The following CLPTM1L variants were observed in gnomAD, a reference collection of about 807,000 sequenced individuals.
The protein encoded by CLPTM1L is lipid scramblase CLPTM1L.
Under a neutral mutation model 70.9 loss-of-function variants are expected in CLPTM1L, and 38 were observed. The ratio of observed to expected loss-of-function variants is 0.54; its 90% confidence interval spans 0.41 to 0.70. The LOEUF is 0.70. Ranked by LOEUF, CLPTM1L falls within the 30% of genes least tolerant of loss-of-function variation. CLPTM1L has a pLI of 0.00. For synonymous variants in CLPTM1L, 339 were observed against 299.9 expected (o/e 1.13, Z -1.35); for missense variants, 652 against 705.9 (o/e 0.92, Z 0.87).
chr5:1,344,536 G>T, intron 1 of CLPTM1L, 85 bp from the exon 2 acceptor site: 1 of 1,479,446 alleles, frequency 6.8e-7, no homozygotes, highest in Non-Finnish European at 9.4e-7. Context: ...GAGGGCGGAA[G>T]ACCTGGCCGC....
chr5:1,334,651 G>C (rs190939351), intron 6 of CLPTM1L, among the ~76,000 whole-genome samples: 1 of 152,042 alleles, frequency 6.6e-6, no homozygotes, highest in Non-Finnish European at 1.5e-5. Flanking sequence ...CTACTGGGGG[G>C]ACTGAGGAAC....
At chr5:1,338,153 C>A in intron 4 of CLPTM1L, 171 bp from the exon 5 acceptor site, 1 of 635,822 alleles carries the variant, frequency 1.6e-6, no homozygotes, top group Non-Finnish European at 2.8e-6. Flanking sequence ...AAGCAGAGAG[C>A]CTGACAACAT....
intron 9 of CLPTM1L, among the ~76,000 whole-genome samples, chr5:1,329,545 T>TTGGTGGACAGAGCCTCAGGACTCTCTGCC (rs1752934853): frequency 1.9e-5 from 2 of 103,536 alleles, no homozygotes; most frequent in African/African-American, 1.1e-4. Context: ...GACTCTCTGC[T>TTGGTGGACAGAGCCTCAGGACTCTCTGCC]TGGTGGACAG....
intron 9 of CLPTM1L, among the ~76,000 whole-genome samples, chr5:1,328,615 A>G (rs1357582949): frequency 5.3e-5 from 8 of 150,316 alleles, no homozygotes; most frequent in African/African-American, 9.9e-5. Flanking sequence ...CCTCCTCTAC[A>G]GACACACTTC....
At chr5:1,321,267 C>T (rs1333604186) in intron 15 of CLPTM1L, among the ~76,000 whole-genome samples, 3 of 152,276 alleles carry the variant, frequency 2.0e-5, no homozygotes, top group Non-Finnish European at 4.4e-5. Context: ...CGGGGAATGG[C>T]CACGGCCCAT....
At position 1,330,662 on chromosome 5, in the gene CLPTM1L, G is replaced by A; in HGVS notation, c.977-279C>T. On this transcript the variant is annotated intron_variant, in intron 8 of 16. Transcript: ENST00000320895. ...AAATGAGCATGGAACGTGGGCAGAGGTCGGATGACGGGGCCAGCACAGCTT... is the reference window on the plus strand; with the variant it reads ...AAATGAGCATGGAACGTGGGCAGAGATCGGATGACGGGGCCAGCACAGCTT... 6.5e-6 allele frequency: 3 copies of A among 461,026 alleles called. No individual in the cohort carries two copies. In the South Asian group the frequency reaches 1.1e-4, roughly 17 times the overall value. 28.6% of individuals were successfully genotyped at this position (461,026 alleles called of 1,614,324 possible). A position where few individuals can be genotyped will look rare whatever the true frequency, so the allele number is the denominator to read the frequency against.
chr5:1,334,460 T>C (rs1753424608), intron 6 of CLPTM1L, 77 bp from the exon 7 acceptor site: 10 of 1,104,128 alleles, frequency 9.1e-6, no homozygotes, highest in Non-Finnish European at 1.3e-5. Context: ...CAGTTTTCAA[T>C]ATAAAAATTT....
chr5:1,328,995 G>A (rs868490357), intron 9 of CLPTM1L, among the ~76,000 whole-genome samples: 1 of 143,616 alleles, frequency 7.0e-6, no homozygotes, highest in Non-Finnish European at 1.5e-5. Context: ...CCTCTACAGA[G>A]ACATTGCATC....
chr5:1,331,960 T>C, intron 7 of CLPTM1L, 77 bp from the exon 8 acceptor site: 2 of 1,202,384 alleles, frequency 1.7e-6, no homozygotes, highest in Non-Finnish European at 2.4e-6. Context: ...AGAGGCTTCG[T>C]GTGTGACCGT....
Position 1,339,020 on chromosome 5 carries a change from A to T in CLPTM1L, c.454-15T>A. On this transcript the variant is annotated splice_polypyrimidine_tract_variant and intron_variant, in intron 3 of 16. Coordinates refer to ENST00000320895, the MANE Select transcript of CLPTM1L (RefSeq NM_030782.5). ...GCCTCGATCTGCTGTTAAGTGAGGAAAACAGAGGCCAATGCTGGGACAGAA... is the reference window on the plus strand; with the variant it reads ...GCCTCGATCTGCTGTTAAGTGAGGATAACAGAGGCCAATGCTGGGACAGAA... 1 of 1,610,016 alleles carries T rather than the reference A, an allele frequency of 6.2e-7. No individual in the cohort carries two copies. The highest frequency in any genetic ancestry group is 8.5e-7 in the Non-Finnish European group (1 of 1,177,496).
chr5:1,332,106 A>C, intron 7 of CLPTM1L: 1 of 570,302 alleles, frequency 1.8e-6, no homozygotes. Flanking sequence ...CTTCTGAAAT[A>C]ATACGTACCT....
rs1751930846 is a variant in CLPTM1L, at chr5:1,318,026, C to T, written c.*343G>A. 3.3e-6 allele frequency: 1 copy of T among 298,636 alleles called. No individual in the cohort carries two copies. Among genetic ancestry groups the T allele is most frequent in the Non-Finnish European group, 6.2e-6 (1 of 162,476 alleles). 18.5% of individuals were successfully genotyped at this position (298,636 alleles called of 1,614,324 possible). A position where few individuals can be genotyped will look rare whatever the true frequency, so the allele number is the denominator to read the frequency against. ...CACATAAGGAGCACTTAGAAAACCA[C>T]CTGAAATGGAAATCCAACAGCCCCC... On this transcript the variant is annotated 3_prime_UTR_variant, in exon 17 of 17. Transcript: ENST00000320895. This position sits in a 1 kb window ranked among gnomAD's most constrained non-coding sequence, Gnocchi z 8.9.
At chr5:1,338,747 G>A in intron 4 of CLPTM1L, 113 bp downstream of exon 4, 1 of 1,256,672 alleles carries the variant, frequency 8.0e-7, no homozygotes, top group Non-Finnish European at 1.1e-6. Flanking sequence ...CGGGCAGCAA[G>A]TGCCTCCCCA....
intron 12 of CLPTM1L, 133 bp downstream of exon 12, chr5:1,323,654 G>C: frequency 1.5e-6 from 1 of 683,246 alleles, no homozygotes; most frequent in Non-Finnish European, 2.6e-6. Flanking sequence ...GCAGGGGCAG[G>C]ACCCCTCCCA....
intron 7 of CLPTM1L, among the ~76,000 whole-genome samples, chr5:1,333,419 G>GTATACACATT (rs1753287781): frequency 7.5e-5 from 1 of 13,254 alleles, no homozygotes; most frequent in Admixed American, 1.2e-3. Flanking sequence ...ATACACACAC[G>GTATACACATT]GGATGAGGAT....
chr5:1,324,519 T>C (rs1481157873), intron 11 of CLPTM1L, among the ~76,000 whole-genome samples: 1 of 152,158 alleles, frequency 6.6e-6, no homozygotes, highest in Non-Finnish European at 1.5e-5. Flanking sequence ...GATGAAAATA[T>C]CCCTACTATA....
chr5:1,321,768 T>C lies in CLPTM1L; in HGVS notation c.1367A>G (p.Tyr456Cys), dbSNP rs1329137218. The C allele has an allele frequency of 6.2e-7, 1 of 1,613,934 alleles. No individual in the cohort carries two copies. The highest frequency in any genetic ancestry group is 1.7e-5 in the Admixed American group (1 of 60,020). Residue 456 changes from tyrosine (Y) to cysteine (C), a missense_variant, in exon 14 of 17, where the codon TAC (tyrosine) becomes TGC (cysteine). Around this residue, in one of 3 missense-constraint regions of CLPTM1L, gnomAD observed 240 missense variants for 295.0 expected, o/e 0.81. Transcript: ENST00000320895. ...GGGCAGCACACACCGCCTTACCTTG[T>C]AGTTCACAAAGAGCTGGGGCAGCAT... ...LFMLPQLFVN[Y>C]KLKSVAHLPW...
Position 1,325,732 on chromosome 5 carries a change from C to T in CLPTM1L, c.1146+19G>A. On this transcript the variant is annotated intron_variant, in intron 10 of 16. Transcript: ENST00000320895. ...TCTTCAGAGAGGCTTGGGGTTCAGC[C>T]ATTACAACTAAATCCTACCTGAAAT... 2.5e-6 allele frequency: 4 copies of T among 1,607,128 alleles called. No homozygotes were observed. Among genetic ancestry groups the T allele is most frequent in the East Asian group, 2.2e-5 (1 of 44,862 alleles).
intron 16 of CLPTM1L, among the ~76,000 whole-genome samples, chr5:1,319,428 G>A (rs1212300881): frequency 6.6e-6 from 1 of 152,222 alleles, no homozygotes; most frequent in Non-Finnish European, 1.5e-5. Flanking sequence ...GTGTGGATGT[G>A]CCAACTGCAC....
Sources: allele counts gnomAD v4.1 joint callset (sites outside exome capture counted in the v4.1 genomes callset), GRCh38; gene constraint gnomAD v4.1.1; regional missense constraint gnomAD v4.1.1; non-coding constraint Gnocchi (gnomAD v3.1); transcripts MANE v1.5; gene names NCBI Gene and HGNC (gene_info 2026-07-23, HGNC 2026-07-21).